The following TGIF1 variants were observed in gnomAD, a reference collection of about 807,000 sequenced individuals.
TGIF1 encodes homeobox protein TGIF1.
A neutral mutation model predicts 19.3 loss-of-function variants in TGIF1; 4 were observed. The observed-to-expected ratio is 0.21, with a 90% confidence interval of 0.10 to 0.47. The LOEUF is 0.47. Ranked by LOEUF, TGIF1 falls within the 20% of genes least tolerant of loss-of-function variation. The pLI, the probability that TGIF1 is intolerant of heterozygous loss-of-function variation, is 0.98. For synonymous variants in TGIF1, 122 were observed against 129.3 expected, an observed-to-expected ratio of 0.94 and a Z score of 0.38; for missense variants, 275 against 341.4, an observed-to-expected ratio of 0.81 and a Z score of 1.53.
upstream of TGIF1, among the ~76,000 whole-genome samples, chr18:3,446,992 G>A (rs181147088): frequency 8.2e-4 from 125 of 152,202 alleles, no homozygotes; most frequent in South Asian, 5.0e-3. Context: ...GGTGGACCTG[G>A]CATCAAAAAA....
chr18:3,449,994 C>T (rs970952394), upstream of TGIF1: 9 of 988,942 alleles, frequency 9.1e-6, no homozygotes, highest in Non-Finnish European at 1.1e-5. Flanking sequence ...CCCGGCCACC[C>T]CCCGCGTCCG....
intron 1 of TGIF1, among the ~76,000 whole-genome samples, chr18:3,413,561 T>C: frequency 6.6e-6 from 1 of 151,286 alleles, no homozygotes; most frequent in Non-Finnish European, 1.5e-5. Flanking sequence ...TAAAGATTAT[T>C]CTTGAGAATT....
chr18:3,451,564 C>T lies in TGIF1; in HGVS notation c.16+1059C>T. On this transcript the variant is annotated intron_variant, in intron 1 of 2. Coordinates refer to ENST00000343820, the MANE Select transcript of TGIF1 (RefSeq NM_003244.4). This position sits in a 1 kb window ranked among gnomAD's most constrained non-coding sequence, Gnocchi z 5.4. ...GGGAGGGGCGGCGCTACTGCGCATG[C>T]CCGGGAGCCGCCTGGAGTTTGGAAC... is the stretch of plus-strand genomic sequence containing the variant. 1 of 1,019,172 alleles carries T rather than the reference C, an allele frequency of 9.8e-7. No individual in the cohort carries two copies. The highest frequency in any genetic ancestry group is 1.2e-6 in the Non-Finnish European group (1 of 852,958). The allele number at this position is 1,019,172 out of a possible 1,614,324, so 63.1% of individuals were successfully genotyped here.
rs2082942104 is a variant in TGIF1, at chr18:3,451,701, T to C, written c.16+1196T>C. 1.6e-6 allele frequency: 2 copies of C among 1,215,146 alleles called. No individual in the cohort carries two copies. The highest frequency in any genetic ancestry group is 1.6e-5 in the African/African-American group (1 of 63,930). The allele number at this position is 1,215,146 out of a possible 1,614,324, so 75.3% of individuals were successfully genotyped here. A position where few individuals can be genotyped will look rare whatever the true frequency, so the allele number is the denominator to read the frequency against. On this transcript the variant is annotated intron_variant, in intron 1 of 2. Transcript: ENST00000343820. This position sits in a 1 kb window ranked among gnomAD's most constrained non-coding sequence, Gnocchi z 5.4. ...TGGGAGGCCCTGAAACGCGCGGAGC[T>C]TCCCTCTGCCTCCAGGCTTTCCCAG...
chr18:3,415,252 G>T, intron 1 of TGIF1: 1 of 269,514 alleles, frequency 3.7e-6, no homozygotes, highest in Non-Finnish European at 7.7e-6. Context: ...CCTGGCCCCT[G>T]TGGACACCAA....
Position 3,458,440 on chromosome 18 carries a change from G to A in TGIF1, c.*500G>A, listed in dbSNP as rs1365262640. 1 of 166,384 alleles carries A rather than the reference G, an allele frequency of 6.0e-6. No individual in the cohort carries two copies. Among genetic ancestry groups the A allele is most frequent in the African/African-American group, 2.4e-5 (1 of 41,418 alleles). 10.3% of individuals were successfully genotyped at this position (166,384 alleles called of 1,614,324 possible). Reference sequence around the variant, plus strand: ...TTGTAATTCAGAGTATTTCTGTTGAGGGAGGTGCTTCTTAAAAATAAGTAG... The same window carrying A: ...TTGTAATTCAGAGTATTTCTGTTGAAGGAGGTGCTTCTTAAAAATAAGTAG... On this transcript the variant is annotated 3_prime_UTR_variant, in exon 3 of 3. Transcript: ENST00000343820.
intron 2 of TGIF1, among the ~76,000 whole-genome samples, chr18:3,443,607 C>T (rs113105875): frequency 0.036 from 5,502 of 152,066 alleles, 165 homozygotes; most frequent in East Asian, 0.12. Context: ...GATGTAATTT[C>T]GTTCTGTTAC....
intron 2 of TGIF1, among the ~76,000 whole-genome samples, chr18:3,439,585 C>G (rs964762227): frequency 2.0e-5 from 3 of 151,992 alleles, no homozygotes; most frequent in Non-Finnish European, 4.4e-5. Context: ...TCAGGTGATT[C>G]GCCCGCCTCA....
chr18:3,450,587 T>C lies in TGIF1; in HGVS notation c.16+82T>C, dbSNP rs2082877844. The C allele has an allele frequency of 2.6e-6, 4 of 1,547,818 alleles. No individual in the cohort carries two copies. The East Asian group carries it at 9.8e-5, about 38-fold the overall frequency. ...GCCGGGCCGCGCCGCGCGGAGTCAC[T>C]TGGTGGACTTTTCCGCCCAGGGGCT... On this transcript the variant is annotated intron_variant, in intron 1 of 2. Coordinates refer to ENST00000343820, the MANE Select transcript of TGIF1 (RefSeq NM_003244.4).
At chr18:3,444,674 C>G (rs1055635233) in intron 2 of TGIF1, among the ~76,000 whole-genome samples, 1 of 151,856 alleles carries the variant, frequency 6.6e-6, no homozygotes, top group Admixed American at 6.6e-5. Flanking sequence ...CTCTGTCACC[C>G]AGGCTTGAGT....
chr18:3,425,573 C>T (rs1598861157), intron 2 of TGIF1, among the ~76,000 whole-genome samples: 1 of 152,050 alleles, frequency 6.6e-6, no homozygotes. Flanking sequence ...TACTGGATGG[C>T]CCCACCCAGA....
At chr18:3,426,432 G>A (rs2082470388) in intron 2 of TGIF1, among the ~76,000 whole-genome samples, 4 of 152,058 alleles carry the variant, frequency 2.6e-5, no homozygotes, top group Admixed American at 2.6e-4. Context: ...GCCTCCCAAA[G>A]TGCTGGCATT....
At chr18:3,449,791 C>T, upstream of TGIF1, 10 of 985,564 alleles carry the variant, frequency 1.0e-5, no homozygotes, top group Non-Finnish European at 1.2e-5. Context: ...CTTTTCTTCC[C>T]GGGGGTGGAG....
At chr18:3,415,369 C>A (rs775790186) in intron 1 of TGIF1, 5 of 439,624 alleles carry the variant, frequency 1.1e-5, no homozygotes, top group African/African-American at 2.0e-5. Context: ...GCGAAATGGT[C>A]AGAGGCAGAG....
intron 2 of TGIF1, among the ~76,000 whole-genome samples, chr18:3,423,692 AAG>A (rs552755034): frequency 3.8e-3 from 575 of 152,000 alleles, no homozygotes; most frequent in Middle Eastern, 6.8e-3. Context: ...TCAAAAAAAA[AAG>A]AGTTTTAAAA....
Position 3,458,933 on chromosome 18 carries a change from A to G in TGIF1, c.*993A>G, listed in dbSNP as rs1355889250. 2.0e-5 allele frequency: 3 copies of G among 152,238 alleles called. No homozygotes were observed. The highest frequency in any genetic ancestry group is 4.4e-5 in the Non-Finnish European group (3 of 68,042). The allele number at this position is 152,238 out of a possible 1,614,324, so 9.4% of individuals were successfully genotyped here. ...CTCAAAAGTGTTTTCTAAAATGATG[A>G]AATAAACGGTGGGGTTCTGTCTATG... On this transcript the variant is annotated 3_prime_UTR_variant, in exon 3 of 3. Coordinates refer to ENST00000343820, the MANE Select transcript of TGIF1 (RefSeq NM_003244.4).
Position 3,453,918 on chromosome 18 carries a change from A to C in TGIF1, c.17-2436A>C, listed in dbSNP as rs772047229. 356 of 832,694 alleles carry C rather than the reference A, an allele frequency of 4.3e-4. 1 individual carries two copies. The highest frequency in any genetic ancestry group is 5.0e-4 in the Non-Finnish European group (347 of 690,396). The allele number at this position is 832,694 out of a possible 1,614,324, so 51.6% of individuals were successfully genotyped here. On this transcript the variant is annotated intron_variant, in intron 1 of 2. Transcript: ENST00000343820. ...CGGGAAACTTTTCAAAAGCGCTGTT[A>C]CAATAGGAAATGAGTAAGGAGGAAA...
intron 2 of TGIF1, among the ~76,000 whole-genome samples, chr18:3,428,910 G>A (rs1032234992): frequency 1.3e-5 from 2 of 151,966 alleles, no homozygotes; most frequent in Non-Finnish European, 2.9e-5. Context: ...AAAATAAGCC[G>A]AGCATGGCGG....
At chr18:3,452,207 G>T (rs1171394103) in intron 1 of TGIF1, 1 of 1,597,774 alleles carries the variant, frequency 6.3e-7, no homozygotes. Context: ...CGCTCCTGGG[G>T]TCCTCCTGCG....
Sources: gnomAD v4.1 joint callset for allele counts (sites outside exome capture counted in the v4.1 genomes callset) on GRCh38, gnomAD v4.1.1 for gene constraint, Gnocchi (gnomAD v3.1) non-coding constraint, MANE v1.5 for transcripts, NCBI Gene and HGNC (gene_info 2026-07-23, HGNC 2026-07-21) for gene names.